Variants in ZBTB16 observed in about 807,000 individuals in gnomAD.
The protein encoded by ZBTB16 is zinc finger and BTB domain-containing protein 16.
In ZBTB16, 8 loss-of-function variants were observed where a neutral mutation model predicts 56.8. The ratio of observed to expected loss-of-function variants is 0.14; its 90% confidence interval spans 0.08 to 0.25. The LOEUF (loss-of-function observed/expected upper bound fraction) is 0.25. ZBTB16 is among the 10% of genes least tolerant of loss of function. The probability of loss-of-function intolerance (pLI) is 1.00; values close to 1 mark genes in which losing one functional copy is unlikely to be tolerated. For synonymous variants in ZBTB16, 363 were observed against 368.5 expected (o/e 0.98, Z 0.17); for missense variants, 625 against 903.0 (o/e 0.69, Z 3.95).
chr11:114,160,444 A>G (rs565084813), intron 3 of ZBTB16, among the ~76,000 whole-genome samples: 3 of 152,030 alleles, frequency 2.0e-5, no homozygotes, highest in Admixed American at 6.5e-5. Context: ...TCTCCTCTTC[A>G]TTTCCCTATC....
chr11:114,074,351 G>A lies in ZBTB16; in HGVS notation c.1268+9783G>A, dbSNP rs561530052. Among the ~76,000 whole-genome samples the A allele has an allele frequency of 5.9e-5, 9 of 152,302 alleles. No individual in the cohort carries two copies. The Middle Eastern group carries it at 0.017, about 288-fold the overall frequency. On this transcript the variant is annotated intron_variant, in intron 2 of 6. Coordinates refer to ENST00000335953, the MANE Select transcript of ZBTB16 (RefSeq NM_006006.6). Reference sequence around the variant, plus strand: ...ATAATGGCCCTTAGCGTGATCCATCGGGCCCACAGTGCTGGGGCAACCATT... The same window carrying A: ...ATAATGGCCCTTAGCGTGATCCATCAGGCCCACAGTGCTGGGGCAACCATT...
chr11:114,095,072 A>C (rs1239003248), intron 2 of ZBTB16, among the ~76,000 whole-genome samples: 1 of 152,164 alleles, frequency 6.6e-6, no homozygotes, highest in East Asian at 1.9e-4. Flanking sequence ...CCCTTTTAGC[A>C]TGACTGTCTC....
chr11:114,156,270 G>A, intron 2 of ZBTB16, 67 bp from the exon 3 acceptor site: 3 of 1,540,516 alleles, frequency 1.9e-6, no homozygotes, highest in Non-Finnish European at 2.7e-6. Flanking sequence ...AAGCCCCCAG[G>A]TAGGGGATGG....
rs149625237 is a variant in ZBTB16, at chr11:114,230,731, T to A, written c.1454-11436T>A. ...TGTTTTGCTTATTTATATGGGGTAGTTTTTCTTTTCATTGCCCAGTGTTTG... is the reference window on the plus strand; with the variant it reads ...TGTTTTGCTTATTTATATGGGGTAGATTTTCTTTTCATTGCCCAGTGTTTG... On this transcript the variant is annotated intron_variant, in intron 4 of 6. Coordinates refer to ENST00000335953, the MANE Select transcript of ZBTB16 (RefSeq NM_006006.6). 6.6e-5 allele frequency among the ~76,000 whole-genome samples: 10 copies of A among 152,118 alleles called. 1 individual carries two copies. Among genetic ancestry groups the A allele is most frequent in the African/African-American group, 2.4e-4 (10 of 41,510 alleles).
At chr11:114,159,412 G>A (rs1480358289) in intron 3 of ZBTB16, among the ~76,000 whole-genome samples, 1 of 152,226 alleles carries the variant, frequency 6.6e-6, no homozygotes, top group Non-Finnish European at 1.5e-5. Flanking sequence ...AGGCAGGTGC[G>A]ATGAGTCATA....
intron 3 of ZBTB16, among the ~76,000 whole-genome samples, chr11:114,183,724 T>C (rs1242850597): frequency 6.6e-6 from 1 of 152,244 alleles, no homozygotes; most frequent in Admixed American, 6.5e-5. Context: ...GATTTGGGAC[T>C]GGGGGCAGTT....
chr11:114,216,644 C>T (rs917952304), intron 4 of ZBTB16, among the ~76,000 whole-genome samples: 4 of 152,342 alleles, frequency 2.6e-5, no homozygotes, highest in East Asian at 1.9e-4. Flanking sequence ...ACACATTTCT[C>T]TTGACTTACA....
At chr11:114,124,148 G>A (rs1941423467) in intron 2 of ZBTB16, among the ~76,000 whole-genome samples, 1 of 152,142 alleles carries the variant, frequency 6.6e-6, no homozygotes, top group African/African-American at 2.4e-5. Context: ...TCTGTGTCAT[G>A]TTTGCTCAAT....
Position 114,060,100 on chromosome 11 carries a change from C to A in ZBTB16, c.-91+218C>A, listed in dbSNP as rs1253852511. ...GGGGAGCCCCGGCTGTCAGCCTGGG[C>A]GCAGCTGCCTCCCCAGCCCTTCCTC... On this transcript the variant is annotated intron_variant, in intron 1 of 6. Coordinates refer to ENST00000335953, the MANE Select transcript of ZBTB16 (RefSeq NM_006006.6). This position sits in a 1 kb window ranked among gnomAD's most constrained non-coding sequence, Gnocchi z 6.0. 6.6e-6 allele frequency among the ~76,000 whole-genome samples: 1 copy of A among 152,134 alleles called. No individual in the cohort carries two copies. Among genetic ancestry groups the A allele is most frequent in the Non-Finnish European group, 1.5e-5 (1 of 68,020 alleles).
chr11:114,168,824 A>G (rs1296583606), intron 3 of ZBTB16, among the ~76,000 whole-genome samples: 1 of 152,138 alleles, frequency 6.6e-6, no homozygotes, highest in Non-Finnish European at 1.5e-5. Flanking sequence ...GTGGCATAGT[A>G]ATTGGCTGCT....
At chr11:114,114,666 A>G (rs1164924720) in intron 2 of ZBTB16, among the ~76,000 whole-genome samples, 1 of 151,320 alleles carries the variant, frequency 6.6e-6, no homozygotes, top group Non-Finnish European at 1.5e-5. Context: ...AGATCATTCT[A>G]TGCTATATGT....
At chr11:114,205,206 G>A (rs970407429) in intron 4 of ZBTB16, among the ~76,000 whole-genome samples, 3 of 150,608 alleles carry the variant, frequency 2.0e-5, no homozygotes, top group Admixed American at 6.6e-5. Context: ...TCAGGAGATC[G>A]AGACCATCCT....
intron 3 of ZBTB16, among the ~76,000 whole-genome samples, chr11:114,168,422 C>T (rs1942854104): frequency 6.6e-6 from 1 of 152,186 alleles, no homozygotes; most frequent in Non-Finnish European, 1.5e-5. Flanking sequence ...CATGGTTTGG[C>T]TGCAGGAAGG....
At chr11:114,205,738 G>C (rs1943853961) in intron 4 of ZBTB16, among the ~76,000 whole-genome samples, 1 of 152,204 alleles carries the variant, frequency 6.6e-6, no homozygotes, top group South Asian at 2.1e-4. Flanking sequence ...GAGATAATGT[G>C]TTCAAGTATT....
chr11:114,110,392 A>G (rs1940962050), intron 2 of ZBTB16, among the ~76,000 whole-genome samples: 1 of 152,206 alleles, frequency 6.6e-6, no homozygotes. Flanking sequence ...AGGGGAATCT[A>G]GAAATACTCC....
At chr11:114,091,770 C>T (rs1468602477) in intron 2 of ZBTB16, among the ~76,000 whole-genome samples, 1 of 152,068 alleles carries the variant, frequency 6.6e-6, no homozygotes, top group Non-Finnish European at 1.5e-5. Context: ...AGCCCACTCC[C>T]CTTCCCCTTG....
intron 3 of ZBTB16, among the ~76,000 whole-genome samples, chr11:114,161,066 C>T (rs1048294984): frequency 2.0e-5 from 3 of 152,206 alleles, no homozygotes; most frequent in African/African-American, 4.8e-5. Flanking sequence ...TGTTGATCCA[C>T]TGTCTCTTCG....
intron 2 of ZBTB16, among the ~76,000 whole-genome samples, chr11:114,148,557 G>A (rs1439116855): frequency 5.3e-5 from 8 of 149,800 alleles, no homozygotes; most frequent in Non-Finnish European, 1.0e-4. Context: ...GCAGTGGTAC[G>A]ATCTCGACTT....
At chr11:114,074,714 C>T (rs1939479305) in intron 2 of ZBTB16, among the ~76,000 whole-genome samples, 1 of 152,216 alleles carries the variant, frequency 6.6e-6, no homozygotes, top group Admixed American at 6.5e-5. Flanking sequence ...GCTCGCCGTG[C>T]GAGGAAGTTC....
Sources: gnomAD v4.1 joint callset for allele counts (sites outside exome capture counted in the v4.1 genomes callset) on GRCh38, gnomAD v4.1.1 for gene constraint, Gnocchi (gnomAD v3.1) non-coding constraint, MANE v1.5 for transcripts, NCBI Gene and HGNC (gene_info 2026-07-23, HGNC 2026-07-21) for gene names.